The following RAB39A variants were observed in gnomAD, a reference collection of about 807,000 sequenced individuals.
The protein encoded by RAB39A is ras-related protein Rab-39A.
RAB39A carries 17 observed loss-of-function variants against 20.9 expected under a neutral mutation model. The observed-to-expected ratio is 0.81, with a 90% CI of 0.56 to 1.22. RAB39A has a LOEUF of 1.22. Among genes scored for constraint, RAB39A ranks in the 50% most tolerant of loss-of-function variants. RAB39A has a pLI of 0.00. For synonymous variants in RAB39A, 99 were observed against 103.4 expected (o/e 0.96, Z 0.26); for missense variants, 234 against 270.5 (o/e 0.87, Z 0.95).
intron 1 of RAB39A, among the ~76,000 whole-genome samples, chr11:107,935,698 T>G (rs1343418979): frequency 6.6e-6 from 1 of 151,822 alleles, no homozygotes. Context: ...ATTTTCTTAA[T>G]TACCACATTT....
At chr11:107,953,332 C>G (rs114543889) in intron 1 of RAB39A, among the ~76,000 whole-genome samples, 1 of 152,060 alleles carries the variant, frequency 6.6e-6, no homozygotes, top group Non-Finnish European at 1.5e-5. Flanking sequence ...TGCAACAAAA[C>G]CAGCTTGAGA....
Position 107,938,260 on chromosome 11 carries a change from G to A in RAB39A, c.227+9465G>A, listed in dbSNP as rs190988737. Among the ~76,000 whole-genome samples, 19 of 150,982 alleles carry A rather than the reference G, an allele frequency of 1.3e-4. No homozygotes were observed. The East Asian group carries it at 3.3e-3, about 26-fold the overall frequency. On this transcript the variant is annotated intron_variant, in intron 1 of 1. Transcript: ENST00000320578. ...CTGTAATCCCAGCTACTCGAGAGGC[G>A]GAGGCAGGAGAATTGCTTGAACCCA...
At chr11:107,952,126 C>T (rs572576236) in intron 1 of RAB39A, among the ~76,000 whole-genome samples, 1 of 152,234 alleles carries the variant, frequency 6.6e-6, no homozygotes, top group African/African-American at 2.4e-5. Context: ...ACAAGGCAAC[C>T]ATTTTGTCTC....
rs561820118 is a variant in RAB39A at position 107,932,931 on chromosome 11, G to A, written c.227+4136G>A. ...TCAACATGGTGGCTGGGCTGGTCTCGAGCTCCTGGGCTCGTGTAATCTGCC... is the reference window on the plus strand; with the variant it reads ...TCAACATGGTGGCTGGGCTGGTCTCAAGCTCCTGGGCTCGTGTAATCTGCC... On this transcript the variant is annotated intron_variant, in intron 1 of 1. Coordinates refer to ENST00000320578, the MANE Select transcript of RAB39A (RefSeq NM_017516.3). Among the ~76,000 whole-genome samples, 40 of 152,136 alleles carry A rather than the reference G, an allele frequency of 2.6e-4. No homozygotes were observed. The South Asian group carries it at 4.8e-3, about 18-fold the overall frequency.
chr11:107,955,401 C>T (rs1042871044), intron 1 of RAB39A, among the ~76,000 whole-genome samples: 1 of 152,040 alleles, frequency 6.6e-6, no homozygotes, highest in Non-Finnish European at 1.5e-5. Flanking sequence ...AGGCAGGCAC[C>T]ATTAGATCTG....
At position 107,945,762 on chromosome 11, in the gene RAB39A, C is replaced by T. The variant is rs1861301413; in HGVS notation, c.228-16184C>T. On this transcript the variant is annotated intron_variant, in intron 1 of 1. Transcript: ENST00000320578. The stretch of plus-strand genomic sequence containing the variant: ...ATATCAAACAATTTTCTCTCCCCCG[C>T]CAACCACATTGGCAAAAAACTGGAA... Among the ~76,000 whole-genome samples the T allele has an allele frequency of 2.0e-5, 3 of 152,112 alleles. No homozygotes were observed. The South Asian group carries it at 6.2e-4, about 32-fold the overall frequency.
In RAB39A at chr11:107,928,945, T is replaced by C; in HGVS notation, c.227+150T>C. ...AAACACTCCATTCTCGCTTCCCCTT[T>C]GCCCCTCCTCTTCCAGGGACGACTT... is the stretch of plus-strand genomic sequence containing the variant. On this transcript the variant is annotated intron_variant, in intron 1 of 1. Transcript: ENST00000320578. This position sits in a 1 kb window ranked among gnomAD's most constrained non-coding sequence, Gnocchi z 4.9. The C allele has an allele frequency of 1.9e-6, 1 of 523,224 alleles. No homozygotes were observed. The allele number at this position is 523,224 out of a possible 1,614,324, so 32.4% of individuals were successfully genotyped here. A position where few individuals can be genotyped will look rare whatever the true frequency, so the allele number is the denominator to read the frequency against.
intron 1 of RAB39A, among the ~76,000 whole-genome samples, chr11:107,936,140 T>A (rs1861192377): frequency 6.6e-6 from 1 of 152,082 alleles, no homozygotes; most frequent in Admixed American, 6.6e-5. Flanking sequence ...CCTCAAGTGA[T>A]CCGCCCACCT....
intron 1 of RAB39A, among the ~76,000 whole-genome samples, chr11:107,940,262 A>T (rs1457783145): frequency 6.6e-6 from 1 of 151,032 alleles, no homozygotes; most frequent in Non-Finnish European, 1.5e-5. Context: ...TTTTATTTTT[A>T]TTATTATTAT....
chr11:107,946,460 ATTTTTTTTTT>A (rs869125579), intron 1 of RAB39A, among the ~76,000 whole-genome samples: 1,583 of 15,492 alleles, frequency 0.1, 16 homozygotes, highest in Non-Finnish European at 0.15. Context: ...ATATATATAT[ATTTTTTTTTT>A]TTTTTTTTTT....
intron 1 of RAB39A, among the ~76,000 whole-genome samples, chr11:107,937,208 T>C (rs1444130646): frequency 6.6e-6 from 1 of 152,020 alleles, no homozygotes; most frequent in African/African-American, 2.4e-5. Flanking sequence ...CAATCATAGC[T>C]CACTGCAGCC....
At chr11:107,943,407 TAAAAATACC>T (rs1274505685) in intron 1 of RAB39A, among the ~76,000 whole-genome samples, 1 of 151,872 alleles carries the variant, frequency 6.6e-6, no homozygotes, top group East Asian at 1.9e-4. Flanking sequence ...CTGACTCTAC[TAAAAATACC>T]AAAAATTAGC....
At chr11:107,936,666 G>T (rs1438883838) in intron 1 of RAB39A, among the ~76,000 whole-genome samples, 1 of 152,040 alleles carries the variant, frequency 6.6e-6, no homozygotes, top group Non-Finnish European at 1.5e-5. Context: ...CCCTCACTGT[G>T]GTTCATGGCC....
intron 1 of RAB39A, among the ~76,000 whole-genome samples, chr11:107,956,609 C>T (rs1861439333): frequency 5.9e-5 from 9 of 152,188 alleles, no homozygotes; most frequent in Admixed American, 5.9e-4. Flanking sequence ...ACTTCCATTT[C>T]TTCCTATAGT....
intron 1 of RAB39A, among the ~76,000 whole-genome samples, chr11:107,943,257 T>C (rs1159967590): frequency 6.6e-6 from 1 of 152,180 alleles, no homozygotes; most frequent in African/African-American, 2.4e-5. Flanking sequence ...GTCCCATTTT[T>C]TTTTTCTGGA....
chr11:107,946,426 GTGTGTGTGTGTATATATATA>G (rs1216747009), intron 1 of RAB39A, among the ~76,000 whole-genome samples: 1 of 21,484 alleles, frequency 4.7e-5, no homozygotes, highest in Admixed American at 9.3e-4. Flanking sequence ...GTGTGTGTGT[GTGTGTGTGTGTATATATATA>G]TATATATATA....
intron 1 of RAB39A, among the ~76,000 whole-genome samples, chr11:107,936,038 T>A (rs968001947): frequency 1.3e-5 from 2 of 151,806 alleles, no homozygotes; most frequent in Non-Finnish European, 2.9e-5. Context: ...TAGCTGGGAT[T>A]ACAGGTGTGT....
intron 1 of RAB39A, among the ~76,000 whole-genome samples, chr11:107,939,510 T>C (rs149318149): frequency 1.2e-3 from 177 of 148,236 alleles, no homozygotes; most frequent in African/African-American, 4.0e-3. Context: ...AGCTGGAGGC[T>C]GAGGCAGGAG....
In RAB39A at chr11:107,933,721, C is replaced by T. The variant is rs2509492; in HGVS notation, c.227+4926C>T. Among the ~76,000 whole-genome samples, 972 of 147,062 alleles carry T rather than the reference C, an allele frequency of 6.6e-3. 9 individuals are homozygous for T. The highest frequency in any genetic ancestry group is 0.023 in the African/African-American group (913 of 39,692). ...ATGGAGTCTTGCTCTTGTGCAGTGG[C>T]GCAATCTCGGCTCACTGCAACCTCT... On this transcript the variant is annotated intron_variant, in intron 1 of 1. Coordinates refer to ENST00000320578, the MANE Select transcript of RAB39A (RefSeq NM_017516.3).
Sources: allele counts gnomAD v4.1 joint callset (sites outside exome capture counted in the v4.1 genomes callset), GRCh38; gene constraint gnomAD v4.1.1; non-coding constraint Gnocchi (gnomAD v3.1); transcripts MANE v1.5; gene names NCBI Gene and HGNC (gene_info 2026-07-23, HGNC 2026-07-21).